Variants in TTC29 observed in about 807,000 individuals in gnomAD.
The protein encoded by TTC29 is tetratricopeptide repeat protein 29.
A neutral mutation model predicts 58.1 loss-of-function variants in TTC29; 49 were observed. The observed-to-expected ratio is 0.84, with a 90% CI of 0.67 to 1.07. The LOEUF (loss-of-function observed/expected upper bound fraction) is 1.07. Ranked by LOEUF, TTC29 falls within the 50% of genes least tolerant of loss-of-function variation. The probability of loss-of-function intolerance (pLI) is 0.00; values close to 1 mark genes in which losing one functional copy is unlikely to be tolerated. For synonymous variants in TTC29, 209 were observed against 196.8 expected (o/e 1.06, Z -0.52); for missense variants, 582 against 555.6 (o/e 1.05, Z -0.48).
chr4:146,942,878 A>C (rs1580053138), intron 2 of TTC29: 1 of 362,660 alleles, frequency 2.8e-6, no homozygotes, highest in Non-Finnish European at 5.0e-6. Context: ...GGAGCTTCAA[A>C]ATGAGGAACA....
intron 11 of TTC29, among the ~76,000 whole-genome samples, chr4:146,787,406 G>T (rs975869792): frequency 7.9e-5 from 12 of 152,044 alleles, no homozygotes; most frequent in African/African-American, 2.9e-4. Context: ...GTTTGCATCT[G>T]TGTGTGTGTG....
intron 6 of TTC29, among the ~76,000 whole-genome samples, chr4:146,887,329 T>C (rs1170187798): frequency 6.6e-6 from 1 of 152,196 alleles, no homozygotes; most frequent in Non-Finnish European, 1.5e-5. Flanking sequence ...TCCATCAATA[T>C]ACTTTCTTAT....
intron 7 of TTC29, among the ~76,000 whole-genome samples, chr4:146,870,057 G>A (rs1730832234): frequency 6.6e-6 from 1 of 152,002 alleles, no homozygotes; most frequent in Non-Finnish European, 1.5e-5. Flanking sequence ...TGTTCCAGAG[G>A]GAAAATAGAG....
At position 146,873,104 on chromosome 4, in the gene TTC29, C is replaced by T. The variant is rs926506945; in HGVS notation, c.799+1612G>A. 3.3e-5 allele frequency among the ~76,000 whole-genome samples: 5 copies of T among 152,104 alleles called. 1 individual carries two copies. The highest frequency in any genetic ancestry group is 4.8e-5 in the African/African-American group (2 of 41,436). On this transcript the variant is annotated intron_variant, in intron 7 of 12. Transcript: ENST00000325106. ...ATGCTACACTTGTGCATTACATCAA[C>T]GTACCCTAACAAAGGAATTGGCCAA...
intron 11 of TTC29, among the ~76,000 whole-genome samples, chr4:146,715,270 A>G (rs1400941228): frequency 6.6e-6 from 1 of 152,212 alleles, no homozygotes; most frequent in Non-Finnish European, 1.5e-5. Context: ...GTATTTATAA[A>G]AAGGAAATAA....
chr4:146,908,180 A>G (rs1476527279), intron 5 of TTC29, among the ~76,000 whole-genome samples: 5 of 152,164 alleles, frequency 3.3e-5, no homozygotes, highest in Non-Finnish European at 7.3e-5. Flanking sequence ...GCCTGAAATG[A>G]CATGTAGACA....
chr4:146,944,128 C>T (rs556432610), intron 2 of TTC29: 11 of 152,246 alleles, frequency 7.2e-5, no homozygotes, highest in Non-Finnish European at 1.6e-4. Context: ...AGCTTAGCCC[C>T]AGGAGCTCAG....
At chr4:146,876,763 C>T (rs946816274) in intron 6 of TTC29, among the ~76,000 whole-genome samples, 1 of 151,772 alleles carries the variant, frequency 6.6e-6, no homozygotes, top group African/African-American at 2.4e-5. Flanking sequence ...GGTGAAGCTC[C>T]GTCTCTACTA....
rs1735675785 is a variant in TTC29, at chr4:146,935,084, T to C, written c.176+2510A>G. Among the ~76,000 whole-genome samples, 3 of 151,694 alleles carry C rather than the reference T, an allele frequency of 2.0e-5. No homozygotes were observed. The South Asian group carries it at 6.3e-4, about 32-fold the overall frequency. On this transcript the variant is annotated intron_variant, in intron 4 of 12. Transcript: ENST00000325106. ...ATCGATCCAATGAAAAAGGAGAAAT[T>C]GATGGTGTAGGAGAAAAGCAAATTT...
intron 5 of TTC29, among the ~76,000 whole-genome samples, chr4:146,904,884 A>AT (rs1733419014): frequency 6.6e-6 from 1 of 152,224 alleles, no homozygotes; most frequent in East Asian, 1.9e-4. Context: ...CAGAACCGTA[A>AT]GTAAGTCACC....
At chr4:146,892,702 G>A (rs1732463754) in intron 6 of TTC29, among the ~76,000 whole-genome samples, 1 of 152,074 alleles carries the variant, frequency 6.6e-6, no homozygotes, top group Admixed American at 6.6e-5. Context: ...GGCAGGAGAA[G>A]GAAATAAACG....
At chr4:146,850,921 C>T (rs1255976786) in intron 8 of TTC29, among the ~76,000 whole-genome samples, 2 of 152,012 alleles carry the variant, frequency 1.3e-5, no homozygotes, top group Non-Finnish European at 1.5e-5. Context: ...AAAAATGTAT[C>T]GTTAAATCAT....
rs747709507 is a variant in TTC29 at position 146,707,538 on chromosome 4, T to G, written c.1344A>C (p.Gly448=). 2.5e-6 allele frequency: 4 copies of G among 1,605,492 alleles called. No homozygotes were observed. The African/African-American group carries it at 4.0e-5, about 16-fold the overall frequency. Residue 448 remains glycine (G), a synonymous_variant, in exon 12 of 13, where the codon GGA becomes GGC. Coordinates refer to ENST00000325106, the MANE Select transcript of TTC29 (RefSeq NM_031956.4). ...TTTGAGATACAGCTTCCACTGTGGATCCTCTAAACTCTTCTAAAAAAAAAA... is the reference window on the plus strand; with the variant it reads ...TTTGAGATACAGCTTCCACTGTGGAGCCTCTAAACTCTTCTAAAAAAAAAA... The part of the protein sequence containing the change: ...EPDPVTEEFR[G]STVEAVSQNS...
intron 4 of TTC29, among the ~76,000 whole-genome samples, chr4:146,921,253 G>A (rs1041563887): frequency 1.3e-5 from 2 of 151,180 alleles, no homozygotes; most frequent in African/African-American, 4.8e-5. Flanking sequence ...TTGTTTTCCT[G>A]AATATCATAT....
chr4:146,757,203 T>C (rs1579604866), intron 11 of TTC29, among the ~76,000 whole-genome samples: 2 of 130,664 alleles, frequency 1.5e-5, no homozygotes, highest in Non-Finnish European at 3.5e-5. Flanking sequence ...GTTGTTCGGA[T>C]TTTTTTTTTT....
chr4:146,917,368 ATAT>A (rs918080008), intron 4 of TTC29, among the ~76,000 whole-genome samples: 3 of 140,872 alleles, frequency 2.1e-5, no homozygotes, highest in African/African-American at 5.7e-5. Context: ...TCTTTTTATA[ATAT>A]TATGTTATGA....
At chr4:146,922,447 A>G (rs935282031) in intron 4 of TTC29, among the ~76,000 whole-genome samples, 1 of 149,276 alleles carries the variant, frequency 6.7e-6, no homozygotes, top group East Asian at 1.9e-4. Flanking sequence ...AAAAACAGAT[A>G]GTCACTAAAC....
At chr4:146,710,247 C>A (rs1742383182) in intron 11 of TTC29, among the ~76,000 whole-genome samples, 1 of 152,098 alleles carries the variant, frequency 6.6e-6, no homozygotes, top group Non-Finnish European at 1.5e-5. Context: ...TAGCGTATTA[C>A]TTCTGGGCTA....
chr4:146,811,230 C>G (rs1279411806), intron 10 of TTC29, among the ~76,000 whole-genome samples: 1 of 152,076 alleles, frequency 6.6e-6, no homozygotes, highest in Non-Finnish European at 1.5e-5. Context: ...AGCATGGGGG[C>G]CAATGCTAAA....
Sources: allele counts gnomAD v4.1 joint callset (sites outside exome capture counted in the v4.1 genomes callset), GRCh38; gene constraint gnomAD v4.1.1; transcripts MANE v1.5; gene names NCBI Gene and HGNC (gene_info 2026-07-23, HGNC 2026-07-21).